Variants in GABRB3 observed in about 807,000 individuals in gnomAD.
The protein encoded by GABRB3 is gamma-aminobutyric acid type A receptor subunit beta3, also known as gamma-aminobutyric acid receptor subunit beta-3.
GABRB3 carries 14 observed loss-of-function variants against 52.1 expected under a neutral mutation model. The ratio of observed to expected loss-of-function variants is 0.27; its 90% CI spans 0.18 to 0.42. The LOEUF is 0.42. GABRB3 is among the 10% of genes least tolerant of loss of function. The pLI, the probability that GABRB3 is intolerant of heterozygous loss-of-function variation, is 1.00. For synonymous variants in GABRB3, 260 were observed against 232.3 expected, an observed-to-expected ratio of 1.12 and a Z score of -1.08; for missense variants, 307 against 609.1, an observed-to-expected ratio of 0.50 and a Z score of 5.22.
intron 3 of GABRB3, chr15:26,624,699 A>G: frequency 1.3e-5 from 13 of 983,784 alleles, no homozygotes; most frequent in Non-Finnish European, 1.6e-5. Flanking sequence ...TCAGCCATGT[A>G]TGGCAAGGAC....
chr15:26,734,895 G>A (rs117371121), intron 3 of GABRB3, among the ~76,000 whole-genome samples: 2,333 of 152,154 alleles, frequency 0.015, 27 homozygotes, highest in Non-Finnish European at 0.022. Context: ...CAGCCTGTAC[G>A]ACACAGCAAG....
At chr15:26,662,489 A>G (rs779055072) in intron 3 of GABRB3, among the ~76,000 whole-genome samples, 1 of 152,198 alleles carries the variant, frequency 6.6e-6, no homozygotes, top group Non-Finnish European at 1.5e-5. Context: ...ATCAGGAAAC[A>G]AACGGCCTTA....
chr15:26,733,003 GAAA>G (rs35917518), intron 3 of GABRB3, among the ~76,000 whole-genome samples: 94 of 146,792 alleles, frequency 6.4e-4, no homozygotes, highest in Admixed American at 1.0e-3. Context: ...GTCTCTAATA[GAAA>G]AAAAAAAAAG....
rs561790870 is a variant in GABRB3 at position 26,710,284 on chromosome 15, G to A, written c.240+62118C>T. ...TGTTTTGTTTTGTTTTGTTTGAGAC[G>A]GAGTGTCACTCTTGTTGCTCAGGCT... On this transcript the variant is annotated intron_variant, in intron 3 of 8. Transcript: ENST00000311550. 5.3e-5 allele frequency among the ~76,000 whole-genome samples: 8 copies of A among 152,152 alleles called. No individual in the cohort carries two copies. In the East Asian group the frequency reaches 5.8e-4, roughly 11 times the overall value.
In GABRB3 at chr15:26,554,146, ATATATATATATAAAG is replaced by A. The variant is rs1260517554; in HGVS notation, c.1081-6027_1081-6013del. 3.5e-4 allele frequency among the ~76,000 whole-genome samples: 14 copies of A among 39,756 alleles called. 1 individual carries two copies. The highest frequency in any genetic ancestry group is 6.1e-4 in the Non-Finnish European group (14 of 23,016). 26.1% of individuals were successfully genotyped at this position (39,756 alleles called of 152,430 possible). Reference sequence around the variant, plus strand: ...GTGTGTGTATATATATATATAAAGTATATATATATATAAAGTATATATATATAAAGTATATATATA... The same window carrying A: ...GTGTGTGTATATATATATATAAAGTATATATATATATAAAGTATATATATA... On this transcript the variant is annotated intron_variant, in intron 8 of 8. Coordinates refer to ENST00000311550, the MANE Select transcript of GABRB3 (RefSeq NM_000814.6).
intron 3 of GABRB3, among the ~76,000 whole-genome samples, chr15:26,646,927 T>G (rs1327877101): frequency 6.6e-6 from 1 of 152,146 alleles, no homozygotes; most frequent in Non-Finnish European, 1.5e-5. Context: ...CACTGCAAGG[T>G]CCGCCTCCCG....
At chr15:26,615,981 C>G in intron 4 of GABRB3, 1 of 1,289,218 alleles carries the variant, frequency 7.8e-7, no homozygotes. Context: ...CCCCAGCTCT[C>G]TGCAAACCTT....
chr15:26,753,616 G>C (rs910751959), intron 3 of GABRB3, among the ~76,000 whole-genome samples: 3 of 152,214 alleles, frequency 2.0e-5, no homozygotes, highest in East Asian at 3.9e-4. Context: ...TCAACCGTTA[G>C]AGGCAGTGCA....
chr15:26,727,631 A>T (rs886105735), intron 3 of GABRB3, among the ~76,000 whole-genome samples: 1 of 152,096 alleles, frequency 6.6e-6, no homozygotes, highest in African/African-American at 2.4e-5. Context: ...GATATTAGAA[A>T]CCAAGATCAG....
intron 3 of GABRB3, among the ~76,000 whole-genome samples, chr15:26,650,563 C>T (rs1887164590): frequency 1.3e-5 from 2 of 152,108 alleles, no homozygotes; most frequent in African/African-American, 2.4e-5. Context: ...TGAAGCCCCA[C>T]CTCCAAGCTG....
At chr15:26,629,254 CGA>C (rs1324383126) in intron 3 of GABRB3, 32 of 1,252,628 alleles carry the variant, frequency 2.6e-5, no homozygotes, top group Non-Finnish European at 3.1e-5. Flanking sequence ...AGCTTGGCCC[CGA>C]GAGGGAGGAG....
chr15:26,548,022 G>A lies in GABRB3; in HGVS notation c.1193C>T (p.Ser398Leu), dbSNP rs759850668. Residue 398 changes from serine to leucine, a missense_variant, in exon 9 of 9, where the codon TCA (serine) becomes TTA (leucine). This residue lies in a region of GABRB3 where 115 missense variants were observed against 166.9 expected (regional missense o/e 0.69). Transcript: ENST00000311550. ...TRNSAISFDN[S>L]GIQYRKQSMP... ...GCTCTGTTTCCTGTACTGGATTCCT[G>A]AGTTGTCAAAGGATATTGCTGAATT... is the stretch of plus-strand genomic sequence containing the variant. The A allele has an allele frequency of 1.2e-6, 2 of 1,614,170 alleles. No individual in the cohort carries two copies. The highest frequency in any genetic ancestry group is 1.7e-6 in the Non-Finnish European group (2 of 1,180,034).
intron 4 of GABRB3, among the ~76,000 whole-genome samples, chr15:26,589,082 C>T (rs1446535248): frequency 1.3e-5 from 2 of 152,162 alleles, no homozygotes; most frequent in African/African-American, 4.8e-5. Context: ...TGTCAAGATC[C>T]ACGGATGTCA....
intron 3 of GABRB3, among the ~76,000 whole-genome samples, chr15:26,770,610 T>A (rs1309968382): frequency 1.3e-5 from 2 of 152,216 alleles, no homozygotes; most frequent in Admixed American, 1.3e-4. Flanking sequence ...CTCTCCTCAC[T>A]CCCCGAATTA....
chr15:26,744,200 G>C (rs1305813058), intron 3 of GABRB3, among the ~76,000 whole-genome samples: 1 of 152,118 alleles, frequency 6.6e-6, no homozygotes, highest in Non-Finnish European at 1.5e-5. Flanking sequence ...GCATGGTTCA[G>C]GACACAGCGG....
chr15:26,625,479 G>C (rs951310141), intron 3 of GABRB3: 1 of 985,264 alleles, frequency 1.0e-6, no homozygotes, highest in African/African-American at 1.7e-5. Context: ...CAGTCACAAA[G>C]AGATGGAATT....
intron 6 of GABRB3, among the ~76,000 whole-genome samples, chr15:26,577,528 A>C (rs1307108413): frequency 6.6e-6 from 1 of 152,112 alleles, no homozygotes; most frequent in Admixed American, 6.6e-5. Context: ...AACAAACAAA[A>C]CAAACAAAAA....
At chr15:26,698,075 C>A (rs544334948) in intron 3 of GABRB3, among the ~76,000 whole-genome samples, 2 of 152,324 alleles carry the variant, frequency 1.3e-5, no homozygotes, top group Admixed American at 1.3e-4. Context: ...AAAAGAGACA[C>A]AACAGCCCCC....
Position 26,621,409 on chromosome 15 carries a change from A to G in GABRB3, c.366T>C (p.Tyr122=), listed in dbSNP as rs759547142. 3 of 1,614,190 alleles carry G rather than the reference A, an allele frequency of 1.9e-6. No homozygotes were observed. The highest frequency in any genetic ancestry group is 2.5e-6 in the Non-Finnish European group (3 of 1,180,040). ...CAAATGACTTTTTGTCATTTAAGAA[A>G]TATGTGTCGGGCACCCATAGCTGGT... ...VADQLWVPDT[Y]FLNDKKSFVH... The change falls in exon 4 of 9, where the codon TAT becomes TAC. Residue 122 remains tyrosine, a synonymous_variant. Coordinates refer to ENST00000311550, the MANE Select transcript of GABRB3 (RefSeq NM_000814.6). This position sits in a 1 kb window ranked among gnomAD's most constrained non-coding sequence, Gnocchi z 4.1.
Sources: gnomAD v4.1 joint callset for allele counts (sites outside exome capture counted in the v4.1 genomes callset) on GRCh38, gnomAD v4.1.1 for gene constraint, gnomAD v4.1.1 regional missense constraint, Gnocchi (gnomAD v3.1) non-coding constraint, MANE v1.5 for transcripts, NCBI Gene and HGNC (gene_info 2026-07-23, HGNC 2026-07-21) for gene names.